ALK: variants seen among roughly 807,000 people sequenced by gnomAD.
ALK encodes the protein ALK receptor tyrosine kinase.
Under a neutral mutation model 163.1 loss-of-function variants are expected in ALK, and 74 were observed. The ratio of observed to expected loss-of-function variants is 0.45; its 90% CI spans 0.38 to 0.55. The LOEUF (loss-of-function observed/expected upper bound fraction) is 0.55, where lower values mean the gene tolerates loss of function less well. ALK is among the 20% of genes least tolerant of loss of function. ALK has a pLI of 0.00. For missense variants in ALK, 2,063 were observed against 2,105.3 expected, an observed-to-expected ratio of 0.98 and a Z score of 0.39; for synonymous variants, 960 against 843.2, an observed-to-expected ratio of 1.14 and a Z score of -2.40.
intron 19 of ALK, chr2:29,224,597 G>C (rs973591182): frequency 1.3e-5 from 3 of 228,704 alleles, no homozygotes; most frequent in African/African-American, 6.7e-5. Context: ...CCCAACACAT[G>C]GGCCAGGGCA....
chr2:29,444,822 G>A (rs1670631996), intron 4 of ALK, among the ~76,000 whole-genome samples: 2 of 152,154 alleles, frequency 1.3e-5, no homozygotes, highest in African/African-American at 2.4e-5. Flanking sequence ...GGCCCTGGAA[G>A]TCTCCTCTGC....
intron 26 of ALK, among the ~76,000 whole-genome samples, chr2:29,198,961 C>CTTTTTGTTTTCT (rs1669091244): frequency 6.9e-6 from 1 of 144,910 alleles, no homozygotes; most frequent in Non-Finnish European, 1.5e-5. Flanking sequence ...TAGTTGTTTT[C>CTTTTTGTTTTCT]TTTTTTTTTT....
intron 3 of ALK, among the ~76,000 whole-genome samples, chr2:29,556,744 C>A (rs1472053105): frequency 6.6e-6 from 1 of 152,178 alleles, no homozygotes; most frequent in Non-Finnish European, 1.5e-5. Context: ...GATCAATATT[C>A]TACCTGCACA....
At chr2:29,545,267 T>G (rs1354417564) in intron 3 of ALK, among the ~76,000 whole-genome samples, 1 of 152,150 alleles carries the variant, frequency 6.6e-6, no homozygotes, top group Non-Finnish European at 1.5e-5. Flanking sequence ...TGAGCAGTAT[T>G]TGAGGGTTTC....
chr2:29,226,642 A>G (rs946856396), intron 18 of ALK, among the ~76,000 whole-genome samples: 4 of 152,296 alleles, frequency 2.6e-5, no homozygotes, highest in East Asian at 3.9e-4. Context: ...TAGGAGCAGT[A>G]AGATCCCTGT....
intron 4 of ALK, among the ~76,000 whole-genome samples, chr2:29,480,227 CAG>C (rs1248203534): frequency 6.6e-6 from 1 of 152,054 alleles, no homozygotes; most frequent in Non-Finnish European, 1.5e-5. Flanking sequence ...GCAACCTCAG[CAG>C]AGTGACGTGA....
chr2:29,375,995 A>T (rs773642383), intron 5 of ALK, among the ~76,000 whole-genome samples: 42 of 152,158 alleles, frequency 2.8e-4, no homozygotes, highest in Non-Finnish European at 5.7e-4. Flanking sequence ...AACATCTCTG[A>T]CCAGAAACAT....
chr2:29,753,746 C>T (rs1421148986), intron 1 of ALK, among the ~76,000 whole-genome samples: 5 of 152,162 alleles, frequency 3.3e-5, no homozygotes, highest in Non-Finnish European at 5.9e-5. Flanking sequence ...AGTTTAAACT[C>T]GGCTGAACCA....
In ALK at chr2:29,539,054, C is replaced by CG. The variant is rs896038258; in HGVS notation, c.953-6939_953-6938insC. On this transcript the variant is annotated intron_variant, in intron 3 of 28. Coordinates refer to ENST00000389048, the MANE Select transcript of ALK (RefSeq NM_004304.5). ...CTGTACTTTTTCTCTTCCACACCCC[C>CG]CTCCCAAATCAGCTGTACTTTTCCT... 1.4e-3 allele frequency among the ~76,000 whole-genome samples: 219 copies of CG among 152,050 alleles called. 2 individuals are homozygous for CG. Among genetic ancestry groups the CG allele is most frequent in the African/African-American group, 4.8e-3 (198 of 41,496 alleles).
chr2:29,340,640 T>C (rs1404337417), intron 5 of ALK, among the ~76,000 whole-genome samples: 2 of 152,222 alleles, frequency 1.3e-5, no homozygotes, highest in Admixed American at 1.3e-4. Flanking sequence ...CTAGGTCCTG[T>C]ACTCAAGGCT....
chr2:29,596,083 C>G (rs1675206296), intron 3 of ALK, among the ~76,000 whole-genome samples: 1 of 152,216 alleles, frequency 6.6e-6, no homozygotes, highest in Non-Finnish European at 1.5e-5. Flanking sequence ...CTGGTGCCTA[C>G]TCCACACTCA....
intron 3 of ALK, among the ~76,000 whole-genome samples, chr2:29,634,924 G>A (rs1163498735): frequency 6.6e-6 from 1 of 152,164 alleles, no homozygotes; most frequent in Non-Finnish European, 1.5e-5. Context: ...CAACTAATAA[G>A]TGAATTCAGC....
rs1236531902 is a variant in ALK at position 29,239,673 on chromosome 2, C to A, written c.2355+7G>T. Reference sequence around the variant, plus strand: ...GCAGACGAGAAACCCCTGCTCTGGGCACTTACACTGGGGCAGGCGTCCTCT... The same window carrying A: ...GCAGACGAGAAACCCCTGCTCTGGGAACTTACACTGGGGCAGGCGTCCTCT... On this transcript the variant is annotated splice_region_variant and intron_variant, in intron 13 of 28. Coordinates refer to ENST00000389048, the MANE Select transcript of ALK (RefSeq NM_004304.5). The A allele has an allele frequency of 1.2e-6, 2 of 1,613,670 alleles. No homozygotes were observed. The highest frequency in any genetic ancestry group is 1.1e-5 in the South Asian group (1 of 91,080).
At chr2:29,693,928 A>G (rs758465006) in intron 3 of ALK, among the ~76,000 whole-genome samples, 7 of 152,174 alleles carry the variant, frequency 4.6e-5, no homozygotes, top group Non-Finnish European at 1.0e-4. Flanking sequence ...TCTCATTGAA[A>G]TCCAATGAGA....
intron 3 of ALK, among the ~76,000 whole-genome samples, chr2:29,582,860 CTT>C (rs11406173): frequency 0.12 from 17,084 of 137,692 alleles, 1,318 homozygotes; most frequent in Non-Finnish European, 0.18. Context: ...CCCAGCACTC[CTT>C]TTTTTTTTTT....
intron 3 of ALK, among the ~76,000 whole-genome samples, chr2:29,561,505 A>C (rs1334468050): frequency 6.6e-6 from 1 of 152,206 alleles, no homozygotes; most frequent in African/African-American, 2.4e-5. Flanking sequence ...TACCAAGTTC[A>C]CTGTCAATGG....
intron 3 of ALK, among the ~76,000 whole-genome samples, chr2:29,596,082 A>C (rs1165429589): frequency 6.6e-6 from 1 of 152,150 alleles, no homozygotes; most frequent in Admixed American, 6.5e-5. Context: ...GCTGGTGCCT[A>C]CTCCACACTC....
chr2:29,879,483 C>T (rs1392111104), intron 1 of ALK, among the ~76,000 whole-genome samples: 1 of 152,238 alleles, frequency 6.6e-6, no homozygotes, highest in African/African-American at 2.4e-5. Context: ...CAATGACTGT[C>T]TATGGCAACC....
chr2:29,415,787 G>A (rs1669861164), intron 4 of ALK, among the ~76,000 whole-genome samples: 1 of 152,180 alleles, frequency 6.6e-6, no homozygotes, highest in Admixed American at 6.5e-5. Context: ...TTGACTGCCT[G>A]AATAAAACAA....
Sources: gnomAD v4.1 joint callset for allele counts (sites outside exome capture counted in the v4.1 genomes callset) on GRCh38, gnomAD v4.1.1 for gene constraint, MANE v1.5 for transcripts, NCBI Gene and HGNC (gene_info 2026-07-23, HGNC 2026-07-21) for gene names.